NECAB1: variants seen among roughly 807,000 people sequenced by gnomAD.
The protein encoded by NECAB1 is N-terminal EF-hand calcium binding protein 1.
NECAB1 carries 29 observed loss-of-function variants against 57.5 expected under a neutral mutation model. That is an observed-to-expected ratio of 0.50 (90% CI 0.38 to 0.69). The LOEUF is 0.69. NECAB1 is among the 30% of genes least tolerant of loss of function. The pLI, the probability that NECAB1 is intolerant of heterozygous loss-of-function variation, is 0.00. For missense variants in NECAB1, 372 were observed against 413.8 expected (o/e 0.90, Z 0.88); for synonymous variants, 142 against 147.7 (o/e 0.96, Z 0.28).
chr8:90,942,556 T>G (rs917857330), intron 10 of NECAB1, among the ~76,000 whole-genome samples: 2 of 152,200 alleles, frequency 1.3e-5, no homozygotes, highest in African/African-American at 4.8e-5. Context: ...ATATGTGTAG[T>G]TTTTAAGAGC....
chr8:90,797,773 A>T (rs930388338), intron 1 of NECAB1, among the ~76,000 whole-genome samples: 15 of 152,224 alleles, frequency 9.9e-5, no homozygotes, highest in African/African-American at 3.6e-4. Flanking sequence ...AGATTGTTTT[A>T]AAAAATAATG....
At chr8:90,933,080 G>A (rs1810448730) in intron 8 of NECAB1, among the ~76,000 whole-genome samples, 1 of 152,174 alleles carries the variant, frequency 6.6e-6, no homozygotes, top group South Asian at 2.1e-4. Flanking sequence ...AAAAATAATA[G>A]ATGTTGGCAT....
At chr8:90,828,868 C>G (rs949699494) in intron 3 of NECAB1, among the ~76,000 whole-genome samples, 1 of 151,900 alleles carries the variant, frequency 6.6e-6, no homozygotes, top group Non-Finnish European at 1.5e-5. Flanking sequence ...TTGCTGAAAA[C>G]TTTGATTTTT....
intron 2 of NECAB1, among the ~76,000 whole-genome samples, chr8:90,810,538 A>C (rs924275121): frequency 7.9e-5 from 12 of 152,212 alleles, no homozygotes; most frequent in Non-Finnish European, 1.3e-4. Context: ...TGGCAGGACT[A>C]CTGGGAAGAA....
intron 5 of NECAB1, among the ~76,000 whole-genome samples, chr8:90,894,482 C>G (rs1471161182): frequency 6.6e-6 from 1 of 152,164 alleles, no homozygotes; most frequent in Non-Finnish European, 1.5e-5. Context: ...TACTTGCTAG[C>G]ATATGCCCAA....
intron 5 of NECAB1, 95 bp downstream of exon 5, chr8:90,881,225 A>G: frequency 1.3e-6 from 1 of 784,782 alleles, no homozygotes; most frequent in Non-Finnish European, 2.1e-6. Flanking sequence ...TAGATTCTTT[A>G]TTATCACTGA....
chr8:90,954,025 T>C (rs1407281190), intron 12 of NECAB1, among the ~76,000 whole-genome samples: 1 of 151,546 alleles, frequency 6.6e-6, no homozygotes, highest in African/African-American at 2.4e-5. Flanking sequence ...ACTGAGTTCG[T>C]GCCAGTGCAC....
At chr8:90,848,548 T>A (rs565793551) in intron 3 of NECAB1, among the ~76,000 whole-genome samples, 1 of 152,302 alleles carries the variant, frequency 6.6e-6, no homozygotes, top group Admixed American at 6.5e-5. Context: ...GGGTAATTTA[T>A]GAAGAAAAAG....
At chr8:90,936,400 A>G (rs1313496869) in intron 9 of NECAB1, among the ~76,000 whole-genome samples, 3 of 152,186 alleles carry the variant, frequency 2.0e-5, no homozygotes, top group Non-Finnish European at 1.5e-5. Context: ...AAACACATAC[A>G]TAACTCACTT....
chr8:90,878,374 C>T (rs1808768678), intron 4 of NECAB1, among the ~76,000 whole-genome samples: 3 of 152,114 alleles, frequency 2.0e-5, no homozygotes, highest in African/African-American at 4.8e-5. Context: ...AGTGAACACT[C>T]GCTATGATGA....
At chr8:90,851,212 T>C (rs1026184272) in intron 3 of NECAB1, among the ~76,000 whole-genome samples, 2 of 152,236 alleles carry the variant, frequency 1.3e-5, no homozygotes, top group Non-Finnish European at 2.9e-5. Flanking sequence ...TGGGCATCTA[T>C]TCCATTTGGC....
At chr8:90,912,533 C>G (rs1809854326) in intron 5 of NECAB1, among the ~76,000 whole-genome samples, 1 of 152,128 alleles carries the variant, frequency 6.6e-6, no homozygotes. Context: ...TCCTCGTTCA[C>G]TAATCTGAGA....
intron 7 of NECAB1, among the ~76,000 whole-genome samples, chr8:90,927,334 C>A (rs1034442961): frequency 1.3e-5 from 2 of 151,580 alleles, no homozygotes; most frequent in African/African-American, 4.8e-5. Context: ...TGACATCACT[C>A]TCCCTTTATA....
At chr8:90,874,171 C>A (rs959524004) in intron 4 of NECAB1, among the ~76,000 whole-genome samples, 2 of 152,144 alleles carry the variant, frequency 1.3e-5, no homozygotes, top group Non-Finnish European at 2.9e-5. Flanking sequence ...TCAGTGTTAG[C>A]AAGTGAAATA....
intron 1 of NECAB1, among the ~76,000 whole-genome samples, chr8:90,800,107 G>T (rs1228362659): frequency 2.0e-5 from 3 of 152,180 alleles, no homozygotes; most frequent in Non-Finnish European, 4.4e-5. Flanking sequence ...CTCTCAGATT[G>T]AATGCTATTG....
At chr8:90,817,466 GT>G (rs61477217) in intron 2 of NECAB1, among the ~76,000 whole-genome samples, 4 of 150,930 alleles carry the variant, frequency 2.7e-5, no homozygotes, top group South Asian at 4.2e-4. Flanking sequence ...TTTTTTTGTA[GT>G]TTTTTTTATC....
At chr8:90,934,832 C>A (rs1469894573) in intron 9 of NECAB1, among the ~76,000 whole-genome samples, 2 of 152,014 alleles carry the variant, frequency 1.3e-5, no homozygotes, top group Non-Finnish European at 2.9e-5. Context: ...ACATTTGTAT[C>A]CCTAGGGACA....
At chr8:90,865,918 C>A (rs556848070) in intron 3 of NECAB1, among the ~76,000 whole-genome samples, 1 of 152,184 alleles carries the variant, frequency 6.6e-6, no homozygotes, top group South Asian at 2.1e-4. Flanking sequence ...ATCTGCAGCA[C>A]CTGATCTATT....
chr8:90,943,391 C>T (rs894809327), intron 10 of NECAB1, among the ~76,000 whole-genome samples: 1 of 152,154 alleles, frequency 6.6e-6, no homozygotes, highest in Non-Finnish European at 1.5e-5. Context: ...CTGGAATTAT[C>T]AAAATGTAGA....
Sources: allele counts gnomAD v4.1 joint callset (sites outside exome capture counted in the v4.1 genomes callset), GRCh38; gene constraint gnomAD v4.1.1; transcripts MANE v1.5; gene names NCBI Gene and HGNC (gene_info 2026-07-23, HGNC 2026-07-21).